Variants in GDI2 observed in about 807,000 individuals in gnomAD.
GDI2 encodes the protein GDP dissociation inhibitor 2, also known as rab GDP dissociation inhibitor beta.
In GDI2, 22 loss-of-function variants were observed where a neutral mutation model predicts 54.2. That is an observed-to-expected ratio of 0.41 (90% CI 0.29 to 0.58). GDI2 has a LOEUF of 0.58. GDI2 is among the 20% of genes least tolerant of loss of function. The pLI is 0.35. For synonymous variants in GDI2, 177 were observed against 182.1 expected (o/e 0.97, Z 0.23); for missense variants, 422 against 546.0 (o/e 0.77, Z 2.26).
intron 2 of GDI2, among the ~76,000 whole-genome samples, chr10:5,800,085 G>A (rs1241342941): frequency 6.6e-6 from 1 of 152,038 alleles, no homozygotes; most frequent in Non-Finnish European, 1.5e-5. Context: ...ATATACGTAG[G>A]TGTTCAACAA....
chr10:5,770,421 C>T (rs1272494515), intron 7 of GDI2, among the ~76,000 whole-genome samples: 2 of 151,464 alleles, frequency 1.3e-5, no homozygotes, highest in Admixed American at 6.6e-5. Context: ...ACTAGCCGGG[C>T]GTGGTGGTAT....
Position 5,794,996 on chromosome 10 carries a change from A to T in GDI2, c.277T>A (p.Tyr93Asn). ...TCCAGATAGCGAGTTACCTCTGTAT[A>T]AAGCAGCATCTTAACCAGCTGACCT... is the stretch of plus-strand genomic sequence containing the variant. ...ANGQLVKMLL[Y>N]TEVTRYLDFK... Residue 93 changes from tyrosine to asparagine, a missense_variant, in exon 4 of 11, where the codon TAT becomes AAT. Physicochemically the swap from Tyr to Asn is moderately radical, Grantham distance 143 (BLOSUM62 -2). Coordinates refer to ENST00000380191, the MANE Select transcript of GDI2 (RefSeq NM_001494.4). 1 of 1,592,344 alleles carries T rather than the reference A, an allele frequency of 6.3e-7. No individual in the cohort carries two copies. The highest frequency in any genetic ancestry group is 1.1e-5 in the South Asian group (1 of 90,538).
intron 2 of GDI2, among the ~76,000 whole-genome samples, chr10:5,797,777 A>G (rs1841181172): frequency 6.6e-6 from 1 of 152,094 alleles, no homozygotes; most frequent in Admixed American, 6.6e-5. Flanking sequence ...TTTGTCAATG[A>G]CACTGTATAG....
chr10:5,794,188 A>ATATATATATATAT (rs1554789557), intron 4 of GDI2, among the ~76,000 whole-genome samples: 1 of 40,344 alleles, frequency 2.5e-5, no homozygotes, highest in African/African-American at 1.0e-4. Flanking sequence ...AAAAAAAAAA[A>ATATATATATATAT]ATATATATAT....
At position 5,771,819 on chromosome 10, in the gene GDI2, C is replaced by T. The variant is rs564729381; in HGVS notation, c.819+2023G>A. Among the ~76,000 whole-genome samples the T allele has an allele frequency of 4.8e-4, 73 of 152,274 alleles. No individual in the cohort carries two copies. The South Asian group carries it at 9.9e-3, about 21-fold the overall frequency. ...TAAAACATTTATCCCTGGCCGAGCG[C>T]GGTGGCTCACACCTGTAATCCCAGC... On this transcript the variant is annotated intron_variant, in intron 7 of 10. Transcript: ENST00000380191.
chr10:5,803,332 G>C (rs533049980), intron 1 of GDI2, among the ~76,000 whole-genome samples: 533 of 152,258 alleles, frequency 3.5e-3, no homozygotes, highest in Non-Finnish European at 6.2e-3. Context: ...TGAGAGGTGG[G>C]AGGATTACTT....
intron 6 of GDI2, among the ~76,000 whole-genome samples, chr10:5,778,508 AC>A (rs1840676688): frequency 6.6e-6 from 1 of 152,250 alleles, no homozygotes; most frequent in Non-Finnish European, 1.5e-5. Flanking sequence ...ACTTTGCACT[AC>A]TAATGATCAC....
At chr10:5,802,981 G>C (rs982400684) in intron 1 of GDI2, among the ~76,000 whole-genome samples, 29 of 152,116 alleles carry the variant, frequency 1.9e-4, no homozygotes, top group African/African-American at 7.0e-4. Context: ...AACCTGAAAG[G>C]CTATATTTAA....
rs569068349 is a variant in GDI2 at position 5,792,742 on chromosome 10, C to T, written c.388+2143G>A. On this transcript the variant is annotated intron_variant, in intron 4 of 10. Transcript: ENST00000380191. ...GCCAGAAAATGATTACCTAACAGGT[C>T]AGAAAGAATGGAAGTAGAAAAGTAA... 5.3e-3 allele frequency among the ~76,000 whole-genome samples: 793 copies of T among 148,406 alleles called. 9 individuals carry two copies. Among genetic ancestry groups the T allele is most frequent in the South Asian group, 0.025 (117 of 4,706 alleles).
chr10:5,804,060 G>T (rs1196195589), intron 1 of GDI2, among the ~76,000 whole-genome samples: 2 of 150,752 alleles, frequency 1.3e-5, no homozygotes, highest in African/African-American at 4.9e-5. Context: ...TTACCATGAG[G>T]TTCAAATTTC....
intron 1 of GDI2, among the ~76,000 whole-genome samples, chr10:5,804,161 T>C (rs990600339): frequency 5.9e-5 from 9 of 152,066 alleles, no homozygotes; most frequent in Admixed American, 3.3e-4. Context: ...TGGCGCGATC[T>C]TGGCTCAATG....
chr10:5,783,542 T>C (rs1012743016), intron 6 of GDI2, among the ~76,000 whole-genome samples: 2 of 152,220 alleles, frequency 1.3e-5, no homozygotes, highest in East Asian at 3.8e-4. Context: ...TATTGTTTTA[T>C]AGGTCCTGTG....
intron 1 of GDI2, chr10:5,811,879 C>T: frequency 9.6e-7 from 1 of 1,045,284 alleles, no homozygotes; most frequent in Non-Finnish European, 1.3e-6. Flanking sequence ...CAAACCTTTC[C>T]TAAAAAATTA....
intron 3 of GDI2, among the ~76,000 whole-genome samples, chr10:5,795,458 C>T (rs537050547): frequency 3.9e-4 from 59 of 152,244 alleles, no homozygotes; most frequent in African/African-American, 1.4e-3. Context: ...AATAGGACAA[C>T]CAGAATGCAA....
At chr10:5,786,142 T>C (rs1336587782) in intron 4 of GDI2, 92 bp from the exon 5 acceptor site, 6 of 712,462 alleles carry the variant, frequency 8.4e-6, no homozygotes, top group South Asian at 8.2e-5. Flanking sequence ...TGCCTTGTTA[T>C]CAACTGCGGA....
chr10:5,785,521 C>T (rs984266006), intron 5 of GDI2, among the ~76,000 whole-genome samples: 5 of 152,010 alleles, frequency 3.3e-5, no homozygotes, highest in Non-Finnish European at 7.4e-5. Flanking sequence ...ATTACAGGGA[C>T]GCACCACTAC....
At chr10:5,790,341 G>A (rs377630037) in intron 4 of GDI2, among the ~76,000 whole-genome samples, 1 of 152,082 alleles carries the variant, frequency 6.6e-6, no homozygotes, top group East Asian at 1.9e-4. Context: ...TAAGAACACA[G>A]TATATAATAC....
intron 1 of GDI2, among the ~76,000 whole-genome samples, chr10:5,804,103 T>A (rs1841324563): frequency 6.6e-6 from 1 of 151,900 alleles, no homozygotes; most frequent in Non-Finnish European, 1.5e-5. Flanking sequence ...TTTCTTTTTT[T>A]TTTTATTGAG....
Position 5,813,403 on chromosome 10 carries a change from C to G in GDI2, c.-145G>C, listed in dbSNP as rs1034403902. On this transcript the variant is annotated 5_prime_UTR_variant, in exon 1 of 11. Coordinates refer to ENST00000380191, the MANE Select transcript of GDI2 (RefSeq NM_001494.4). ...AATGGAGCTGGCGACAAGGCGAGACCGACCGCCACCTCAGACGGGAAGAGA... is the reference window on the plus strand; with the variant it reads ...AATGGAGCTGGCGACAAGGCGAGACGGACCGCCACCTCAGACGGGAAGAGA... 1.9e-6 allele frequency: 1 copy of G among 536,412 alleles called. No homozygotes were observed. The allele number at this position is 536,412 out of a possible 1,614,324, so 33.2% of individuals were successfully genotyped here.
Sources: gnomAD v4.1 joint callset for allele counts (sites outside exome capture counted in the v4.1 genomes callset) on GRCh38, gnomAD v4.1.1 for gene constraint, MANE v1.5 for transcripts, NCBI Gene and HGNC (gene_info 2026-07-23, HGNC 2026-07-21) for gene names.